Variants in IL1RAPL1 observed in about 807,000 individuals in gnomAD.
The protein encoded by IL1RAPL1 is interleukin-1 receptor accessory protein-like 1.
In IL1RAPL1, 3 loss-of-function variants were observed where a neutral mutation model predicts 48.4. The observed-to-expected ratio is 0.06, with a 90% CI of 0.03 to 0.16. The LOEUF (loss-of-function observed/expected upper bound fraction) is 0.16. Among genes scored for constraint, IL1RAPL1 ranks in the 10% least tolerant of loss-of-function variants. The probability of loss-of-function intolerance (pLI) is 1.00; values close to 1 mark genes in which losing one functional copy is unlikely to be tolerated. For missense variants in IL1RAPL1, 349 were observed against 530.6 expected (o/e 0.66, Z 3.36); for synonymous variants, 185 against 187.7 (o/e 0.99, Z 0.12).
At chrX:28,877,640 G>T (rs952483154) in intron 2 of IL1RAPL1, among the ~76,000 whole-genome samples, 3 of 111,534 alleles carry the variant, frequency 2.7e-5, no homozygotes, top group Non-Finnish European at 5.7e-5. Flanking sequence ...ACAGGAAATG[G>T]TTTTTTTTAA....
intron 5 of IL1RAPL1, among the ~76,000 whole-genome samples, chrX:29,464,534 T>C (rs1453554243): frequency 1.8e-5 from 2 of 112,372 alleles, no homozygotes; most frequent in Admixed American, 9.4e-5. Context: ...CAGTACTCTG[T>C]TGTTGACAAA....
At chrX:28,905,663 T>C (rs1273265524) in intron 2 of IL1RAPL1, among the ~76,000 whole-genome samples, 1 of 112,189 alleles carries the variant, frequency 8.9e-6, no homozygotes, top group Non-Finnish European at 1.9e-5. Flanking sequence ...ATATTTAGAG[T>C]ATTTATACTA....
At chrX:29,663,817 T>A (rs1421849411) in intron 5 of IL1RAPL1, among the ~76,000 whole-genome samples, 1 of 112,067 alleles carries the variant, frequency 8.9e-6, no homozygotes, top group Admixed American at 9.5e-5. Context: ...ATTTTTCTTG[T>A]CAGGCTATAT....
chrX:29,421,767 A>G (rs1476632780), intron 5 of IL1RAPL1, among the ~76,000 whole-genome samples: 1 of 112,111 alleles, frequency 8.9e-6, no homozygotes, highest in Non-Finnish European at 1.9e-5. Context: ...AATGGATTTT[A>G]TAAATCACGT....
intron 1 of IL1RAPL1, among the ~76,000 whole-genome samples, chrX:28,618,177 T>G (rs960253751): frequency 3.6e-5 from 4 of 112,409 alleles, no homozygotes; most frequent in Non-Finnish European, 7.5e-5. Flanking sequence ...TCTGCAAACA[T>G]GATTTTATCA....
At chrX:29,548,663 A>C (rs992281385) in intron 5 of IL1RAPL1, among the ~76,000 whole-genome samples, 5 of 112,015 alleles carry the variant, frequency 4.5e-5, no homozygotes, top group Non-Finnish European at 9.4e-5. Flanking sequence ...GATTGTAATG[A>C]TTGCATTTTC....
At chrX:28,660,084 ATGGTGTGTG>A (rs1351263730) in intron 1 of IL1RAPL1, among the ~76,000 whole-genome samples, 5 of 67,473 alleles carry the variant, frequency 7.4e-5, no homozygotes, top group Non-Finnish European at 1.4e-4. Flanking sequence ...CAGAGTGAGG[ATGGTGTGTG>A]TGTGTGTGTG....
intron 5 of IL1RAPL1, among the ~76,000 whole-genome samples, chrX:29,453,516 C>T (rs897771449): frequency 3.6e-5 from 4 of 111,198 alleles, no homozygotes; most frequent in Admixed American, 1.9e-4. Flanking sequence ...TTACTGTAAC[C>T]GCAGCATTAC....
chrX:28,919,293 C>T lies in IL1RAPL1; in HGVS notation c.82+129868C>T, dbSNP rs1923561034. On this transcript the variant is annotated intron_variant, in intron 2 of 10. Transcript: ENST00000378993. ...TCTGTTCACTTAATGCTACTCTGCT[C>T]TTTGCACGAGCATGGGACAACCAGT... Among the ~76,000 whole-genome samples the T allele has an allele frequency of 2.7e-5, 3 of 111,931 alleles. No individual in the cohort carries two copies. The South Asian group carries it at 1.1e-3, about 42-fold the overall frequency.
At chrX:29,154,739 T>C (rs567965873) in intron 2 of IL1RAPL1, among the ~76,000 whole-genome samples, 7 of 111,930 alleles carry the variant, frequency 6.3e-5, no homozygotes, top group Middle Eastern at 4.6e-3. Flanking sequence ...AAAGTGTTTA[T>C]TATGAAGTTC....
chrX:28,830,303 C>G (rs1314649341), intron 2 of IL1RAPL1, among the ~76,000 whole-genome samples: 3 of 111,863 alleles, frequency 2.7e-5, no homozygotes, highest in Admixed American at 9.5e-5. Flanking sequence ...GTTACTGATG[C>G]AATGCCTTTA....
At chrX:28,761,207 T>A (rs889477566) in intron 1 of IL1RAPL1, among the ~76,000 whole-genome samples, 1 of 110,905 alleles carries the variant, frequency 9.0e-6, no homozygotes, top group Non-Finnish European at 1.9e-5. Context: ...GCTTGGAGAT[T>A]TCTCCAAGAA....
intron 2 of IL1RAPL1, among the ~76,000 whole-genome samples, chrX:28,980,053 C>A (rs1377551285): frequency 8.9e-6 from 1 of 112,036 alleles, no homozygotes; most frequent in South Asian, 3.7e-4. Flanking sequence ...GATGGCAGAG[C>A]CTTTTAGCTA....
intron 2 of IL1RAPL1, among the ~76,000 whole-genome samples, chrX:29,001,109 C>A (rs1925841415): frequency 9.0e-6 from 1 of 111,289 alleles, no homozygotes; most frequent in African/African-American, 3.3e-5. Context: ...AGGTTTTCTC[C>A]TTAACAACAG....
At chrX:29,461,571 A>G (rs1934803299) in intron 5 of IL1RAPL1, among the ~76,000 whole-genome samples, 1 of 111,565 alleles carries the variant, frequency 9.0e-6, no homozygotes, top group South Asian at 3.7e-4. Flanking sequence ...TAATGTTTAG[A>G]CTAGCAGTAT....
intron 6 of IL1RAPL1, among the ~76,000 whole-genome samples, chrX:29,825,748 T>A (rs1294234856): frequency 8.9e-6 from 1 of 111,993 alleles, no homozygotes; most frequent in African/African-American, 3.2e-5. Flanking sequence ...AAATAAAACT[T>A]TTCTTTGTAG....
chrX:29,215,267 T>C (rs1930844938), intron 2 of IL1RAPL1, among the ~76,000 whole-genome samples: 2 of 107,818 alleles, frequency 1.9e-5, no homozygotes, highest in African/African-American at 3.4e-5. Context: ...TGCTTGAACC[T>C]GGGAGGCGGA....
At chrX:29,786,787 A>G (rs1373840484) in intron 6 of IL1RAPL1, among the ~76,000 whole-genome samples, 2 of 111,539 alleles carry the variant, frequency 1.8e-5, no homozygotes, top group Non-Finnish European at 3.8e-5. Flanking sequence ...GTTTCAAAAT[A>G]CATTTTGGAG....
At chrX:28,757,954 T>A (rs1936123945) in intron 1 of IL1RAPL1, among the ~76,000 whole-genome samples, 1 of 112,321 alleles carries the variant, frequency 8.9e-6, no homozygotes, top group Non-Finnish European at 1.9e-5. Flanking sequence ...AGTTGGACGA[T>A]AAGGTGAAAG....
Sources: gnomAD v4.1 joint callset for allele counts (sites outside exome capture counted in the v4.1 genomes callset) on GRCh38, gnomAD v4.1.1 for gene constraint, MANE v1.5 for transcripts, NCBI Gene and HGNC (gene_info 2026-07-23, HGNC 2026-07-21) for gene names.